TMIGD3: variants seen among roughly 807,000 people sequenced by gnomAD.
TMIGD3 encodes the protein AD026 protein (AD026).
TMIGD3 carries 21 observed loss-of-function variants against 28.1 expected under a neutral mutation model. That is an observed-to-expected ratio of 0.75 (90% CI 0.53 to 1.08). The LOEUF (loss-of-function observed/expected upper bound fraction) is 1.08, where lower values mean the gene tolerates loss of function less well. Among genes scored for constraint, TMIGD3 ranks in the 50% least tolerant of loss-of-function variants. TMIGD3 has a pLI of 0.00. For missense variants in TMIGD3, 416 were observed against 435.6 expected, an observed-to-expected ratio of 0.96 and a Z score of 0.40; for synonymous variants, 151 against 162.1, an observed-to-expected ratio of 0.93 and a Z score of 0.52.
At chr1:111,506,039 C>T (rs935569237), upstream of TMIGD3, among the ~76,000 whole-genome samples, 4 of 152,158 alleles carry the variant, frequency 2.6e-5, no homozygotes, top group African/African-American at 7.2e-5. Flanking sequence ...GCCCTTCTCC[C>T]CCAAGTCCAT....
chr1:111,538,752 C>T (rs538730233), intron 1 of TMIGD3, among the ~76,000 whole-genome samples: 4 of 152,168 alleles, frequency 2.6e-5, no homozygotes, highest in Admixed American at 1.3e-4. Context: ...AAAGGGTTCA[C>T]GGGGCCTCTG....
At chr1:111,561,060 C>T (rs567403839) in intron 1 of TMIGD3, among the ~76,000 whole-genome samples, 92 of 152,310 alleles carry the variant, frequency 6.0e-4, no homozygotes, top group African/African-American at 2.2e-3. Context: ...GGACCATACC[C>T]TGAAGAAGAA....
intron 1 of TMIGD3, among the ~76,000 whole-genome samples, chr1:111,491,510 T>G (rs1479139903): frequency 1.3e-5 from 2 of 152,190 alleles, no homozygotes; most frequent in Non-Finnish European, 2.9e-5. Context: ...AGCCAGCACA[T>G]CCCATCAAGG....
At chr1:111,516,733 T>C (rs1161316441) in intron 1 of TMIGD3, among the ~76,000 whole-genome samples, 3 of 152,182 alleles carry the variant, frequency 2.0e-5, no homozygotes, top group East Asian at 1.9e-4. Flanking sequence ...GCAGGCCAGA[T>C]GGCTGGGTTG....
At chr1:111,503,739 CA>C, upstream of TMIGD3, 2 of 1,028,216 alleles carry the variant, frequency 1.9e-6, no homozygotes, top group African/African-American at 3.4e-5. Context: ...CAACCCTCTT[CA>C]GGGGTGTTTC....
chr1:111,488,304 C>T (rs1210649969), intron 3 of TMIGD3, among the ~76,000 whole-genome samples: 1 of 151,954 alleles, frequency 6.6e-6, no homozygotes, highest in East Asian at 1.9e-4. Context: ...CTCACTGCAA[C>T]CTCTGCCGCC....
chr1:111,514,460 A>G (rs1655792495), intron 1 of TMIGD3, among the ~76,000 whole-genome samples: 1 of 152,146 alleles, frequency 6.6e-6, no homozygotes, highest in Admixed American at 6.5e-5. Flanking sequence ...CTACTTGGGA[A>G]GTCAGGGAGG....
intron 1 of TMIGD3, among the ~76,000 whole-genome samples, chr1:111,501,643 A>AGT (rs1463123628): frequency 6.6e-6 from 1 of 152,226 alleles, no homozygotes; most frequent in African/African-American, 2.4e-5. Context: ...AACTTCTACA[A>AGT]GTTAGAAGTG....
intron 1 of TMIGD3, among the ~76,000 whole-genome samples, chr1:111,497,387 G>A (rs1335823501): frequency 6.6e-6 from 1 of 152,194 alleles, no homozygotes; most frequent in African/African-American, 2.4e-5. Flanking sequence ...TGGGATTACA[G>A]GCATGAGCCA....
intron 1 of TMIGD3, among the ~76,000 whole-genome samples, chr1:111,548,886 G>A (rs897320780): frequency 6.6e-6 from 1 of 152,078 alleles, no homozygotes; most frequent in Non-Finnish European, 1.5e-5. Context: ...CTCTGATATG[G>A]GCTGTTTTCA....
chr1:111,553,013 A>C (rs577668606), intron 1 of TMIGD3, among the ~76,000 whole-genome samples: 77 of 152,334 alleles, frequency 5.1e-4, no homozygotes, highest in African/African-American at 1.8e-3. Flanking sequence ...TAAGAGCTCC[A>C]CTTTTGTGGA....
At chr1:111,500,660 C>A in intron 1 of TMIGD3, 2 of 1,119,620 alleles carry the variant, frequency 1.8e-6, no homozygotes, top group South Asian at 2.9e-5. Flanking sequence ...AAGGCATATA[C>A]TCTCTTAATT....
At chr1:111,544,538 A>G (rs756071184) in intron 1 of TMIGD3, among the ~76,000 whole-genome samples, 32 of 152,266 alleles carry the variant, frequency 2.1e-4, no homozygotes, top group Non-Finnish European at 4.1e-4. Flanking sequence ...TTGTATCAGT[A>G]TATCAGTCAT....
At chr1:111,519,913 G>A (rs545671332) in intron 1 of TMIGD3, among the ~76,000 whole-genome samples, 28 of 151,872 alleles carry the variant, frequency 1.8e-4, no homozygotes, top group African/African-American at 6.0e-4. Context: ...GGCTGGTCTC[G>A]AACTCCTGAC....
At chr1:111,563,755 A>C (rs2101050590) in intron 1 of TMIGD3, 1 of 881,704 alleles carries the variant, frequency 1.1e-6, no homozygotes, top group African/African-American at 1.6e-5. Flanking sequence ...AGCTTGCCCC[A>C]TATCATGAAT....
chr1:111,541,028 T>C (rs1238595369), intron 1 of TMIGD3, among the ~76,000 whole-genome samples: 1 of 152,230 alleles, frequency 6.6e-6, no homozygotes, highest in African/African-American at 2.4e-5. Context: ...TAGTCTCTGC[T>C]GCATACACTC....
intron 1 of TMIGD3, among the ~76,000 whole-genome samples, chr1:111,532,068 T>G (rs1252492716): frequency 6.7e-6 from 1 of 148,956 alleles, no homozygotes; most frequent in East Asian, 2.0e-4. Context: ...TCACTCTGGC[T>G]GGGAGGAAAG....
intron 1 of TMIGD3, among the ~76,000 whole-genome samples, chr1:111,529,967 C>T (rs1437853898): frequency 3.8e-5 from 4 of 103,926 alleles, no homozygotes; most frequent in African/African-American, 4.0e-5. Flanking sequence ...CGCCCCTCAC[C>T]TCCCGGATGG....
At chr1:111,499,626 C>A in intron 1 of TMIGD3, 1 of 1,115,666 alleles carries the variant, frequency 9.0e-7, no homozygotes, top group Non-Finnish European at 1.1e-6. Flanking sequence ...AGCCTTTTGT[C>A]AGTAAGTCAA....
Sources: allele counts gnomAD v4.1 joint callset (sites outside exome capture counted in the v4.1 genomes callset), GRCh38; gene constraint gnomAD v4.1.1; transcripts MANE v1.5; gene names NCBI Gene and HGNC (gene_info 2026-07-23, HGNC 2026-07-21).